The following IDNK variants were observed in gnomAD, a reference collection of about 807,000 sequenced individuals.
The protein encoded by IDNK is gluconokinase.
Under a neutral mutation model 13.0 loss-of-function variants are expected in IDNK, and 9 were observed. The ratio of observed to expected loss-of-function variants is 0.69; its 90% CI spans 0.42 to 1.21. The LOEUF (loss-of-function observed/expected upper bound fraction) is 1.21. Among genes scored for constraint, IDNK ranks in the 50% most tolerant of loss-of-function variants. The probability of loss-of-function intolerance (pLI) is 0.00; values close to 1 mark genes in which losing one functional copy is unlikely to be tolerated. For missense variants in IDNK, 210 were observed against 237.8 expected (o/e 0.88, Z 0.77); for synonymous variants, 92 against 94.9 (o/e 0.97, Z 0.18).
At chr9:83,624,690 A>G (rs888728113) in intron 1 of IDNK, among the ~76,000 whole-genome samples, 3 of 147,864 alleles carry the variant, frequency 2.0e-5, no homozygotes, top group Non-Finnish European at 3.0e-5. Context: ...AATGGTTCTG[A>G]GGCTTAGCTT....
At chr9:83,640,056 T>C (rs1008180380) in intron 3 of IDNK, among the ~76,000 whole-genome samples, 1 of 152,142 alleles carries the variant, frequency 6.6e-6, no homozygotes, top group Non-Finnish European at 1.5e-5. Flanking sequence ...GGATGGTGGC[T>C]CACCTGTCTA....
rs1831393733 is a variant in IDNK, at chr9:83,644,111, A to T, written c.*331A>T. On this transcript the variant is annotated 3_prime_UTR_variant, in exon 5 of 5. Coordinates refer to ENST00000376419, the MANE Select transcript of IDNK (RefSeq NM_001001551.4). ...ATGCCTGTATTTGCACAAATAAATGAAACTTCGCTGTCCTTGGCATTCCCT... is the reference window on the plus strand; with the variant it reads ...ATGCCTGTATTTGCACAAATAAATGTAACTTCGCTGTCCTTGGCATTCCCT... 3.8e-6 allele frequency: 1 copy of T among 263,886 alleles called. No homozygotes were observed. Among genetic ancestry groups the T allele is most frequent in the Non-Finnish European group, 7.3e-6 (1 of 136,320 alleles). 16.3% of individuals were successfully genotyped at this position (263,886 alleles called of 1,614,324 possible).
chr9:83,640,260 T>G (rs538686849), intron 3 of IDNK, among the ~76,000 whole-genome samples: 53 of 152,288 alleles, frequency 3.5e-4, no homozygotes, highest in Admixed American at 2.7e-3. Flanking sequence ...TACAAGCTGT[T>G]TGAAAGAACA....
In IDNK at chr9:83,628,870, A is replaced by T. The variant is rs765028950; in HGVS notation, c.82-3A>T. Reference sequence around the variant, plus strand: ...CATACACCCTTTCACTTTGTTCTTAAAGCTGGGATGGAAATTCTATGATGC... The same window carrying T: ...CATACACCCTTTCACTTTGTTCTTATAGCTGGGATGGAAATTCTATGATGC... On this transcript the variant is annotated splice_polypyrimidine_tract_variant and splice_region_variant and intron_variant, in intron 2 of 4. Transcript: ENST00000376419. The T allele has an allele frequency of 2.5e-6, 4 of 1,612,730 alleles. No individual in the cohort carries two copies. Among genetic ancestry groups the T allele is most frequent in the Non-Finnish European group, 2.5e-6 (3 of 1,178,738 alleles).
intron 3 of IDNK, among the ~76,000 whole-genome samples, chr9:83,641,007 GA>G (rs1179467530): frequency 6.6e-6 from 1 of 152,168 alleles, no homozygotes; most frequent in Non-Finnish European, 1.5e-5. Flanking sequence ...AGGAAGGAGA[GA>G]ATTTACTTGT....
intron 4 of IDNK, 22 bp from the exon 5 acceptor site, chr9:83,643,402 CTCTTT>C (rs1156502097): frequency 3.9e-6 from 6 of 1,543,568 alleles, no homozygotes; most frequent in Non-Finnish European, 5.3e-6. Flanking sequence ...TTTAGCCTCC[CTCTTT>C]TTTTTTTCTT....
At chr9:83,628,288 T>TTCGATTTTCCTCCGGGTGATAATCATCA in intron 2 of IDNK, 77 bp downstream of exon 2, 1 of 1,272,062 alleles carries the variant, frequency 7.9e-7, no homozygotes, top group Non-Finnish European at 1.1e-6. Context: ...GCCTTTTTTC[T>TTCGATTTTCCTCCGGGTGATAATCATCA]GCTTTGTACA....
chr9:83,643,548 A>T lies in IDNK; in HGVS notation c.332A>T (p.Glu111Val). The stretch of plus-strand genomic sequence containing the variant: ...CTGAAGTGTGAGGAGTCGGGAAAGG[A>T]AGCAAAGCAGGCTGAGATGCAGCTC... The part of the protein sequence containing the change: ...VALKCEESGK[E>V]AKQAEMQLLV... The change falls in exon 5 of 5, where the codon GAA (glutamate) becomes GTA (valine). Residue 111 changes from glutamate (E) to valine (V), a missense_variant. Glu to Val is a moderately radical substitution (Grantham distance 121, BLOSUM62 -2). Coordinates refer to ENST00000376419, the MANE Select transcript of IDNK (RefSeq NM_001001551.4). The T allele has an allele frequency of 6.2e-7, 1 of 1,614,010 alleles. No homozygotes were observed. The highest frequency in any genetic ancestry group is 8.5e-7 in the Non-Finnish European group (1 of 1,180,000).
intron 3 of IDNK, among the ~76,000 whole-genome samples, chr9:83,635,633 A>G (rs1831144558): frequency 6.6e-6 from 1 of 152,236 alleles, no homozygotes; most frequent in African/African-American, 2.4e-5. Context: ...ACTCCTTCGC[A>G]TGACCTTACA....
Position 83,643,571 on chromosome 9 carries a change from C to T in IDNK, c.355C>T (p.Leu119Phe), listed in dbSNP as rs866770343. The T allele has an allele frequency of 3.7e-6, 6 of 1,613,844 alleles. No homozygotes were observed. The highest frequency in any genetic ancestry group is 4.2e-6 in the Non-Finnish European group (5 of 1,180,000). The change falls in exon 5 of 5, where the codon CTC (leucine) becomes TTC (phenylalanine). Residue 119 changes from leucine (L) to phenylalanine (F), a missense_variant. Transcript: ENST00000376419. ...GGAAGCAAAGCAGGCTGAGATGCAGCTCCTGGTGGTCCATCTGAGCGGGTC... is the reference window on the plus strand; with the variant it reads ...GGAAGCAAAGCAGGCTGAGATGCAGTTCCTGGTGGTCCATCTGAGCGGGTC... ...GKEAKQAEMQLLVVHLSGSFE... is the reference protein window; with the variant it reads ...GKEAKQAEMQFLVVHLSGSFE...
At position 83,643,854 on chromosome 9, in the gene IDNK, G is replaced by A. The variant is rs906737525; in HGVS notation, c.*74G>A. The A allele has an allele frequency of 2.5e-5, 28 of 1,113,990 alleles. No homozygotes were observed. The highest frequency in any genetic ancestry group is 1.1e-4 in the African/African-American group (7 of 63,684). 69.0% of individuals were successfully genotyped at this position (1,113,990 alleles called of 1,614,324 possible). A position where few individuals can be genotyped will look rare whatever the true frequency, so the allele number is the denominator to read the frequency against. ...TGCCATCCCAAACCTCGTTCCAGCCGCCTTGCCCATACTAGATTCTAAATG... is the reference window on the plus strand; with the variant it reads ...TGCCATCCCAAACCTCGTTCCAGCCACCTTGCCCATACTAGATTCTAAATG... On this transcript the variant is annotated 3_prime_UTR_variant, in exon 5 of 5. Coordinates refer to ENST00000376419, the MANE Select transcript of IDNK (RefSeq NM_001001551.4).
At chr9:83,626,609 G>GT (rs749815691) in intron 1 of IDNK, 2 of 798,470 alleles carry the variant, frequency 2.5e-6, no homozygotes, top group South Asian at 2.8e-5. Context: ...TTGAGACGGG[G>GT]TTTTGCCATG....
rs150888794 is a variant in IDNK at position 83,636,950 on chromosome 9, T to C, written c.169-4598T>C. On this transcript the variant is annotated intron_variant, in intron 3 of 4. Transcript: ENST00000376419. ...CTGGTAAGCCTCATCATCTTGTTAC[T>C]GCATTTACAAAAAACCACACTTGTT... 3.7e-4 allele frequency among the ~76,000 whole-genome samples: 57 copies of C among 152,352 alleles called. No homozygotes were observed. In the Middle Eastern group the frequency reaches 0.01, roughly 27 times the overall value.
intron 3 of IDNK, among the ~76,000 whole-genome samples, chr9:83,637,743 A>G (rs897745545): frequency 1.3e-5 from 2 of 152,214 alleles, no homozygotes; most frequent in East Asian, 1.9e-4. Flanking sequence ...GAGATGGGAG[A>G]TAAGATTGTA....
At position 83,634,123 on chromosome 9, in the gene IDNK, G is replaced by T. The variant is rs1831101517; in HGVS notation, c.168+5164G>T. 2.6e-5 allele frequency among the ~76,000 whole-genome samples: 4 copies of T among 152,172 alleles called. No homozygotes were observed. The South Asian group carries it at 8.3e-4, about 32-fold the overall frequency. On this transcript the variant is annotated intron_variant, in intron 3 of 4. Transcript: ENST00000376419. ...AACCTTTCTCCTTGTGGCTTTATGGGAATCTCCAAAGAAAATTCATAATCA... is the reference window on the plus strand; with the variant it reads ...AACCTTTCTCCTTGTGGCTTTATGGTAATCTCCAAAGAAAATTCATAATCA...
rs2282221 is a variant in IDNK, at chr9:83,627,986, A to G, written c.51-195A>G. ...AATAGTGTTAACTAATTATTTCTTC[A>G]TTGACATTCGTGGGGATCAGCTAAG... On this transcript the variant is annotated intron_variant, in intron 1 of 4. Transcript: ENST00000376419. 0.013 allele frequency: 17,840 copies of G among 1,358,708 alleles called. 847 individuals carry two copies. The African/African-American group carries it at 0.14, about 11-fold the overall frequency. 84.2% of individuals were successfully genotyped at this position (1,358,708 alleles called of 1,614,324 possible). A position where few individuals can be genotyped will look rare whatever the true frequency, so the allele number is the denominator to read the frequency against.
chr9:83,636,610 TAA>T (rs1831172104), intron 3 of IDNK, among the ~76,000 whole-genome samples: 1 of 152,168 alleles, frequency 6.6e-6, no homozygotes, highest in Non-Finnish European at 1.5e-5. Flanking sequence ...CAAGAGCACA[TAA>T]AGTCTCCTCA....
At chr9:83,631,806 T>C (rs1831024304) in intron 3 of IDNK, among the ~76,000 whole-genome samples, 1 of 152,108 alleles carries the variant, frequency 6.6e-6, no homozygotes, top group Admixed American at 6.5e-5. Flanking sequence ...CAAGCTGTGA[T>C]AAATTATTAG....
Position 83,643,999 on chromosome 9 carries a change from A to G in IDNK, c.*219A>G. ...AAAAGTCAAGCTTAAATTGAAGTTTAAATTCATCTATAACCAAATCAAATG... is the reference window on the plus strand; with the variant it reads ...AAAAGTCAAGCTTAAATTGAAGTTTGAATTCATCTATAACCAAATCAAATG... On this transcript the variant is annotated 3_prime_UTR_variant, in exon 5 of 5. Transcript: ENST00000376419. The G allele has an allele frequency of 2.1e-6, 1 of 481,934 alleles. No individual in the cohort carries two copies. Among genetic ancestry groups the G allele is most frequent in the Non-Finnish European group, 3.7e-6 (1 of 268,790 alleles). The allele number at this position is 481,934 out of a possible 1,614,324, so 29.9% of individuals were successfully genotyped here.
Sources: allele counts gnomAD v4.1 joint callset (sites outside exome capture counted in the v4.1 genomes callset), GRCh38; gene constraint gnomAD v4.1.1; transcripts MANE v1.5; gene names NCBI Gene and HGNC (gene_info 2026-07-23, HGNC 2026-07-21).